The following AGBL1 variants were observed in gnomAD, a reference collection of about 807,000 sequenced individuals.
The protein encoded by AGBL1 is AGBL carboxypeptidase 1, also known as cytosolic carboxypeptidase 4.
A neutral mutation model predicts 118.9 loss-of-function variants in AGBL1; 130 were observed. The ratio of observed to expected loss-of-function variants is 1.09; its 90% CI spans 0.95 to 1.26. The LOEUF (loss-of-function observed/expected upper bound fraction) is 1.26. Ranked by LOEUF, AGBL1 falls within the 50% of genes most tolerant of loss-of-function variation. AGBL1 has a pLI of 0.00. For synonymous variants in AGBL1, 555 were observed against 478.9 expected, an observed-to-expected ratio of 1.16 and a Z score of -2.08; for missense variants, 1,584 against 1,298.1, an observed-to-expected ratio of 1.22 and a Z score of -3.38.
intron 19 of AGBL1, among the ~76,000 whole-genome samples, chr15:86,525,344 T>A (rs2083249048): frequency 6.6e-6 from 1 of 152,182 alleles, no homozygotes. Context: ...ACAGATTTAA[T>A]GCAATTCCTA....
At chr15:86,957,863 A>G (rs1353099739) in intron 23 of AGBL1, among the ~76,000 whole-genome samples, 1 of 152,060 alleles carries the variant, frequency 6.6e-6, no homozygotes, top group Admixed American at 6.6e-5. Flanking sequence ...TAAAATTCGT[A>G]TGGAATAATA....
intron 22 of AGBL1, among the ~76,000 whole-genome samples, chr15:86,811,612 C>G (rs1196568709): frequency 1.3e-5 from 2 of 152,150 alleles, no homozygotes; most frequent in Non-Finnish European, 2.9e-5. Flanking sequence ...GACTGTGATA[C>G]TTCTATCAAT....
At chr15:86,239,898 T>C (rs1325650539) in intron 6 of AGBL1, among the ~76,000 whole-genome samples, 2 of 152,232 alleles carry the variant, frequency 1.3e-5, no homozygotes, top group Non-Finnish European at 2.9e-5. Context: ...AATATGTTTA[T>C]TAGCCCGATT....
intron 18 of AGBL1, among the ~76,000 whole-genome samples, chr15:86,462,616 G>A (rs1172511135): frequency 4.6e-5 from 7 of 151,930 alleles, no homozygotes; most frequent in Admixed American, 2.6e-4. Context: ...CCTGGAGTGC[G>A]ATGTTCCCCT....
intron 5 of AGBL1, among the ~76,000 whole-genome samples, chr15:86,198,722 A>G (rs2077856489): frequency 6.6e-6 from 1 of 152,008 alleles, no homozygotes; most frequent in Admixed American, 6.6e-5. Context: ...AGGGAGGGCC[A>G]TGTAAGAATA....
intron 18 of AGBL1, among the ~76,000 whole-genome samples, chr15:86,519,661 C>T (rs1459545910): frequency 6.6e-6 from 1 of 152,182 alleles, no homozygotes; most frequent in Non-Finnish European, 1.5e-5. Context: ...CACAGAGATA[C>T]TCTCCAAATC....
intron 17 of AGBL1, among the ~76,000 whole-genome samples, chr15:86,311,699 T>G (rs1001166872): frequency 2.0e-5 from 3 of 152,154 alleles, no homozygotes; most frequent in African/African-American, 7.2e-5. Context: ...CAGAGGCACC[T>G]CATGTGTGTT....
chr15:86,173,599 C>T (rs1377020343), intron 5 of AGBL1, among the ~76,000 whole-genome samples: 2 of 152,006 alleles, frequency 1.3e-5, no homozygotes, highest in African/African-American at 2.4e-5. Flanking sequence ...GTCTTTAATC[C>T]ATTCTGTGTT....
At chr15:86,572,681 G>C (rs1350628096) in intron 21 of AGBL1, among the ~76,000 whole-genome samples, 1 of 152,186 alleles carries the variant, frequency 6.6e-6, no homozygotes, top group Non-Finnish European at 1.5e-5. Context: ...GCTGCCTCAG[G>C]GTACAGGGCA....
chr15:86,785,462 C>T (rs889927403), intron 22 of AGBL1, among the ~76,000 whole-genome samples: 1 of 150,952 alleles, frequency 6.6e-6, no homozygotes, highest in African/African-American at 2.4e-5. Context: ...GCAACCTCCA[C>T]CTCCCAGGTT....
intron 21 of AGBL1, among the ~76,000 whole-genome samples, chr15:86,572,025 G>A (rs561940363): frequency 6.6e-6 from 1 of 152,308 alleles, no homozygotes; most frequent in African/African-American, 2.4e-5. Context: ...GGGCCAAGCC[G>A]GCAGGCGTCT....
chr15:86,584,027 A>G (rs1484398754), intron 21 of AGBL1, among the ~76,000 whole-genome samples: 2 of 151,922 alleles, frequency 1.3e-5, no homozygotes, highest in Admixed American at 6.6e-5. Context: ...CCCATTTTTA[A>G]TGGGGTTATT....
chr15:87,012,448 CAG>C (rs1257236824), intron 24 of AGBL1, among the ~76,000 whole-genome samples: 3 of 151,914 alleles, frequency 2.0e-5, no homozygotes, highest in African/African-American at 7.3e-5. Flanking sequence ...ATATATGGTT[CAG>C]TGGGGAAAAG....
At chr15:86,418,063 A>G (rs1484826040) in intron 18 of AGBL1, among the ~76,000 whole-genome samples, 1 of 152,194 alleles carries the variant, frequency 6.6e-6, no homozygotes, top group Non-Finnish European at 1.5e-5. Context: ...ATTAGATTCC[A>G]TTCTTTGGAG....
chr15:86,582,979 T>G (rs1413044290), intron 21 of AGBL1, among the ~76,000 whole-genome samples: 1 of 151,976 alleles, frequency 6.6e-6, no homozygotes, highest in Non-Finnish European at 1.5e-5. Context: ...ACCTGCACAT[T>G]GTGCACACAT....
chr15:86,806,272 C>G (rs1169984181), intron 22 of AGBL1, among the ~76,000 whole-genome samples: 1 of 152,132 alleles, frequency 6.6e-6, no homozygotes. Flanking sequence ...ATCTCCACCA[C>G]TTCAGACTGA....
At chr15:86,290,230 A>T (rs577743641) in intron 16 of AGBL1, among the ~76,000 whole-genome samples, 14 of 152,024 alleles carry the variant, frequency 9.2e-5, no homozygotes, top group African/African-American at 2.9e-4. Context: ...ATATTTTTAG[A>T]TAGTCATTTA....
intron 18 of AGBL1, among the ~76,000 whole-genome samples, chr15:86,412,562 A>T (rs970044051): frequency 6.6e-6 from 1 of 152,184 alleles, no homozygotes; most frequent in African/African-American, 2.4e-5. Flanking sequence ...GTGTGGAAGG[A>T]TGAGGTGCAG....
At chr15:86,873,194 T>A (rs533246476) in intron 22 of AGBL1, among the ~76,000 whole-genome samples, 47 of 152,278 alleles carry the variant, frequency 3.1e-4, no homozygotes, top group African/African-American at 1.1e-3. Context: ...AAAAGTCTTA[T>A]CTTTTGCTTT....
Sources: allele counts gnomAD v4.1 joint callset (sites outside exome capture counted in the v4.1 genomes callset), GRCh38; gene constraint gnomAD v4.1.1; transcripts MANE v1.5; gene names NCBI Gene and HGNC (gene_info 2026-07-23, HGNC 2026-07-21).